Variants in CPNE5 observed in about 807,000 individuals in gnomAD.
CPNE5 encodes copine-5.
In CPNE5, 42 loss-of-function variants were observed where a neutral mutation model predicts 81.1. That is an observed-to-expected ratio of 0.52 (90% CI 0.40 to 0.67). CPNE5 has a LOEUF of 0.67. Ranked by LOEUF, CPNE5 falls within the 30% of genes least tolerant of loss-of-function variation. The pLI, the probability that CPNE5 is intolerant of heterozygous loss-of-function variation, is 0.00. For synonymous variants in CPNE5, 313 were observed against 321.5 expected (o/e 0.97, Z 0.28); for missense variants, 612 against 815.5 (o/e 0.75, Z 3.04).
chr6:36,753,216 T>G (rs530990614), intron 13 of CPNE5, 121 bp from the exon 14 acceptor site: 3 of 731,276 alleles, frequency 4.1e-6, no homozygotes, highest in East Asian at 5.2e-5. Context: ...CATGACTGCA[T>G]GCACTGCCCA....
rs1026997611 is a variant in CPNE5, at chr6:36,746,220, G to T, written c.1200+176C>A. The T allele has an allele frequency of 1.0e-6, 1 of 985,158 alleles. No homozygotes were observed. Among genetic ancestry groups the T allele is most frequent in the Non-Finnish European group, 1.2e-6 (1 of 829,800 alleles). 61.0% of individuals were successfully genotyped at this position (985,158 alleles called of 1,614,324 possible). Reference sequence around the variant, plus strand: ...TCAGACATGGAGGGGCAGCATCTGTGATCAGGGAAGGGAGTGGATTTCTGG... The same window carrying T: ...TCAGACATGGAGGGGCAGCATCTGTTATCAGGGAAGGGAGTGGATTTCTGG... On this transcript the variant is annotated intron_variant, in intron 16 of 20. Transcript: ENST00000244751. This position sits in a 1 kb window ranked among gnomAD's most constrained non-coding sequence, Gnocchi z 4.5.
intron 3 of CPNE5, among the ~76,000 whole-genome samples, chr6:36,817,097 G>A (rs554959700): frequency 8.1e-4 from 123 of 152,276 alleles, no homozygotes; most frequent in African/African-American, 2.7e-3. Context: ...AGGCTGAGGC[G>A]GATGGATCAT....
intron 12 of CPNE5, among the ~76,000 whole-genome samples, chr6:36,756,681 C>A (rs147875496): frequency 2.5e-4 from 38 of 152,320 alleles, no homozygotes; most frequent in African/African-American, 7.9e-4. Context: ...CAAAAATGCA[C>A]CCCCTTCCTC....
At position 36,798,258 on chromosome 6, in the gene CPNE5, C is replaced by T; in HGVS notation, c.328-17G>A. On this transcript the variant is annotated splice_polypyrimidine_tract_variant and intron_variant, in intron 5 of 20. Transcript: ENST00000244751. ...CAGGAAATCCTGCATATCCAGGGAA[C>T]AGAAGAGACCAGTGTCACCCACTCT... The T allele has an allele frequency of 6.2e-7, 1 of 1,609,142 alleles. No individual in the cohort carries two copies. Among genetic ancestry groups the T allele is most frequent in the South Asian group, 1.1e-5 (1 of 90,466 alleles).
At chr6:36,777,779 CACACACACA>C in intron 9 of CPNE5, among the ~76,000 whole-genome samples, 3 of 126,426 alleles carry the variant, frequency 2.4e-5, no homozygotes, top group Admixed American at 8.1e-5. Flanking sequence ...CACACACACA[CACACACACA>C]CACACACACA....
At chr6:36,803,123 T>C (rs1015345762) in intron 3 of CPNE5, among the ~76,000 whole-genome samples, 18 of 152,286 alleles carry the variant, frequency 1.2e-4, no homozygotes, top group Admixed American at 2.0e-4. Flanking sequence ...TGGCATCTTT[T>C]GTCCCTCACT....
intron 9 of CPNE5, among the ~76,000 whole-genome samples, chr6:36,777,746 C>G (rs1767638198): frequency 1.2e-5 from 1 of 86,370 alleles, no homozygotes; most frequent in Non-Finnish European, 2.6e-5. Context: ...TCGCTGCTCC[C>G]CTGCCTACCC....
intron 1 of CPNE5, chr6:36,827,371 C>T (rs1267236767): frequency 1.3e-5 from 13 of 985,260 alleles, no homozygotes; most frequent in Middle Eastern, 5.2e-4. Flanking sequence ...CAATGGGCCT[C>T]GCACTTCTGG....
chr6:36,811,220 C>T (rs1158495704), intron 3 of CPNE5, among the ~76,000 whole-genome samples: 1 of 152,134 alleles, frequency 6.6e-6, no homozygotes, highest in Non-Finnish European at 1.5e-5. Context: ...AGTCCCCACC[C>T]TAAAGGAAGC....
At chr6:36,742,521 C>A (rs749073255) in intron 20 of CPNE5, 35 bp from the exon 21 acceptor site, 5 of 1,588,894 alleles carry the variant, frequency 3.1e-6, no homozygotes. Flanking sequence ...GGCAGTGCCT[C>A]CTGTGGGACC....
intron 8 of CPNE5, 109 bp downstream of exon 8, chr6:36,791,924 T>A (rs1322146391): frequency 1.1e-6 from 1 of 929,170 alleles, no homozygotes; most frequent in African/African-American, 1.6e-5. Flanking sequence ...CAGGTCAGCA[T>A]CAGGAGCCCT....
intron 1 of CPNE5, chr6:36,827,223 GC>G (rs1772577122): frequency 3.4e-6 from 2 of 594,738 alleles, no homozygotes; most frequent in Non-Finnish European, 2.1e-6. Context: ...ATGTCCCTGC[GC>G]CCTACACCCT....
In CPNE5 at chr6:36,744,389, A is replaced by G. The variant is rs1763893445; in HGVS notation, c.1432-64T>C. ...AATTGGGACCCAGTTAAAAGGAAGG[A>G]GAAATCAGGGGTAGGACAGGAAGGG... On this transcript the variant is annotated intron_variant, in intron 18 of 20. Transcript: ENST00000244751. The G allele has an allele frequency of 8.3e-6, 11 of 1,324,772 alleles. 1 individual carries two copies. The Middle Eastern group carries it at 5.4e-4, about 65-fold the overall frequency. 82.1% of individuals were successfully genotyped at this position (1,324,772 alleles called of 1,614,324 possible).
intron 7 of CPNE5, chr6:36,792,546 C>T (rs1452953767): frequency 3.9e-6 from 2 of 510,698 alleles, no homozygotes; most frequent in Admixed American, 2.4e-5. Flanking sequence ...TGATGTGTCA[C>T]GGGAGGGAGG....
At chr6:36,778,580 C>T (rs886384803) in intron 9 of CPNE5, among the ~76,000 whole-genome samples, 7 of 152,168 alleles carry the variant, frequency 4.6e-5, no homozygotes, top group African/African-American at 1.4e-4. Flanking sequence ...TCCCCCCACC[C>T]TCCAAATACC....
chr6:36,763,124 A>G, intron 11 of CPNE5, 132 bp from the exon 12 acceptor site: 1 of 770,948 alleles, frequency 1.3e-6, no homozygotes, highest in East Asian at 2.5e-5. Flanking sequence ...ACACGCCAGC[A>G]GACAGGCTGG....
At chr6:36,792,219 AAGCCCCTGAGAAGACAG>A in intron 7 of CPNE5, 123 bp from the exon 8 acceptor site, 1 of 1,217,036 alleles carries the variant, frequency 8.2e-7, no homozygotes, top group Non-Finnish European at 1.2e-6. Flanking sequence ...GATCACCCCA[AAGCCCCTGAGAAGACAG>A]AGTCTCCTGA....
chr6:36,753,441 T>A (rs1347437701), intron 13 of CPNE5, among the ~76,000 whole-genome samples: 3 of 152,186 alleles, frequency 2.0e-5, no homozygotes, highest in Non-Finnish European at 4.4e-5. Flanking sequence ...GTTAGTTTCC[T>A]CTAAGTGGGC....
chr6:36,811,946 A>G lies in CPNE5; in HGVS notation c.183+10168T>C, dbSNP rs148088726. Among the ~76,000 whole-genome samples the G allele has an allele frequency of 3.7e-3, 563 of 152,220 alleles. 6 individuals are homozygous for G. Among genetic ancestry groups the G allele is most frequent in the African/African-American group, 0.013 (536 of 41,540 alleles). On this transcript the variant is annotated intron_variant, in intron 3 of 20. Coordinates refer to ENST00000244751, the MANE Select transcript of CPNE5 (RefSeq NM_020939.2). ...TGGTGAAACCCCATCTCTACGAAAA[A>G]TACAAAAATTAGCTGGGGGTGGTGG...
Sources: gnomAD v4.1 joint callset for allele counts (sites outside exome capture counted in the v4.1 genomes callset) on GRCh38, gnomAD v4.1.1 for gene constraint, Gnocchi (gnomAD v3.1) non-coding constraint, MANE v1.5 for transcripts, NCBI Gene and HGNC (gene_info 2026-07-23, HGNC 2026-07-21) for gene names.